COL6A6: variants seen among roughly 807,000 people sequenced by gnomAD.
COL6A6 encodes the protein collagen type VI alpha 6 chain, also known as collagen alpha-6(VI) chain.
In COL6A6, 183 loss-of-function variants were observed where a neutral mutation model predicts 208.6. The observed-to-expected ratio is 0.88, with a 90% confidence interval of 0.78 to 0.99. The LOEUF (loss-of-function observed/expected upper bound fraction) is 0.99. Ranked by LOEUF, COL6A6 falls within the 50% of genes least tolerant of loss-of-function variation. The pLI, the probability that COL6A6 is intolerant of heterozygous loss-of-function variation, is 0.00. For synonymous variants in COL6A6, 973 were observed against 1,011.8 expected (o/e 0.96, Z 0.73); for missense variants, 2,816 against 2,815.2 (o/e 1.00, Z -0.01).
intron 36 of COL6A6, among the ~76,000 whole-genome samples, chr3:130,665,608 A>G (rs1405042353): frequency 6.6e-6 from 1 of 152,244 alleles, no homozygotes; most frequent in Non-Finnish European, 1.5e-5. Context: ...AAGTATAAAG[A>G]TAATGAATTA....
chr3:130,592,831 C>T (rs2063753036), intron 15 of COL6A6, 109 bp downstream of exon 15: 2 of 1,105,272 alleles, frequency 1.8e-6, no homozygotes, highest in African/African-American at 1.6e-5. Context: ...CATTGACTTT[C>T]CTTTTTTATT....
At chr3:130,671,786 AAACCAC>A (rs1344966426) in intron 36 of COL6A6, among the ~76,000 whole-genome samples, 4 of 152,236 alleles carry the variant, frequency 2.6e-5, no homozygotes, top group African/African-American at 9.6e-5. Flanking sequence ...GAGCTGAATC[AAACCAC>A]AAGCTACCAA....
chr3:130,584,045 T>G (rs2108017347), intron 10 of COL6A6, among the ~76,000 whole-genome samples: 1 of 152,308 alleles, frequency 6.6e-6, no homozygotes, highest in South Asian at 2.1e-4. Flanking sequence ...TAATTAATTT[T>G]TTAGAATTGA....
Position 130,563,047 on chromosome 3 carries a change from CAT to C in COL6A6, c.65-18_65-17del. The stretch of plus-strand genomic sequence containing the variant: ...AATTTTTTAAAGTTTTTGGTTCGTT[CAT>C]ATGTTTGTGGTTTTGCAGGCCCTGA... On this transcript the variant is annotated intron_variant, in intron 2 of 36. Coordinates refer to ENST00000358511, the MANE Select transcript of COL6A6 (RefSeq NM_001102608.3). The C allele has an allele frequency of 6.4e-7, 1 of 1,566,664 alleles. No homozygotes were observed. The highest frequency in any genetic ancestry group is 1.4e-5 in the African/African-American group (1 of 73,540).
At chr3:130,590,203 C>A (rs1371041154) in intron 12 of COL6A6, among the ~76,000 whole-genome samples, 1 of 138,058 alleles carries the variant, frequency 7.2e-6, no homozygotes, top group Non-Finnish European at 1.5e-5. Flanking sequence ...ATGATTGACA[C>A]CCCCTTGAGT....
intron 36 of COL6A6, among the ~76,000 whole-genome samples, chr3:130,673,040 G>A (rs1190188754): frequency 6.9e-6 from 1 of 144,234 alleles, no homozygotes; most frequent in Non-Finnish European, 1.5e-5. Context: ...TTAGTTGGGT[G>A]TGGTGGTGGG....
At chr3:130,657,818 T>C (rs1290402593) in intron 33 of COL6A6, among the ~76,000 whole-genome samples, 1 of 152,146 alleles carries the variant, frequency 6.6e-6, no homozygotes, top group Non-Finnish European at 1.5e-5. Flanking sequence ...AGAAAGAGGG[T>C]AGTCATTAGC....
chr3:130,583,523 A>G (rs2063469919), intron 10 of COL6A6, among the ~76,000 whole-genome samples: 1 of 152,230 alleles, frequency 6.6e-6, no homozygotes, highest in African/African-American at 2.4e-5. Flanking sequence ...CTTTCTTCCA[A>G]TGCCTACTGA....
At chr3:130,592,470 C>G in intron 13 of COL6A6, 71 bp from the exon 14 acceptor site, 1 of 1,262,954 alleles carries the variant, frequency 7.9e-7, no homozygotes. Context: ...TAACAAAAAA[C>G]TTGTCAAGTT....
chr3:130,609,219 GT>G (rs1422317698), intron 22 of COL6A6, among the ~76,000 whole-genome samples: 1 of 152,204 alleles, frequency 6.6e-6, no homozygotes, highest in African/African-American at 2.4e-5. Flanking sequence ...TTCAGGGTAA[GT>G]AAGATATTCC....
chr3:130,560,038 TA>T (rs1217661610), intron 1 of COL6A6, among the ~76,000 whole-genome samples: 1 of 152,154 alleles, frequency 6.6e-6, no homozygotes, highest in Non-Finnish European at 1.5e-5. Flanking sequence ...TACAGGAAAA[TA>T]AATACTAGGA....
At chr3:130,547,596 G>A (rs1229533974) in intron 1 of COL6A6, among the ~76,000 whole-genome samples, 3 of 152,246 alleles carry the variant, frequency 2.0e-5, no homozygotes, top group Non-Finnish European at 4.4e-5. Flanking sequence ...AGTGAGGGCC[G>A]CCAGCATGTT....
rs368252286 is a variant in COL6A6, at chr3:130,564,947, G to T, written c.662-47G>T. On this transcript the variant is annotated intron_variant, in intron 3 of 36. Coordinates refer to ENST00000358511, the MANE Select transcript of COL6A6 (RefSeq NM_001102608.3). ...ATGCCTTCTAATGCTCACCAAAGATGCTGAACCACCAGCTAAAATTGTGCT... is the reference window on the plus strand; with the variant it reads ...ATGCCTTCTAATGCTCACCAAAGATTCTGAACCACCAGCTAAAATTGTGCT... 12 of 1,586,962 alleles carry T rather than the reference G, an allele frequency of 7.6e-6. No homozygotes were observed. The African/African-American group carries it at 1.5e-4, about 20-fold the overall frequency.
intron 1 of COL6A6, among the ~76,000 whole-genome samples, chr3:130,548,815 T>G (rs2107790078): frequency 6.6e-6 from 1 of 152,310 alleles, no homozygotes; most frequent in South Asian, 2.1e-4. Flanking sequence ...ACACAGATGG[T>G]TTAGTTCATG....
chr3:130,662,795 C>T (rs993076441), intron 35 of COL6A6, among the ~76,000 whole-genome samples: 3 of 152,248 alleles, frequency 2.0e-5, no homozygotes, highest in South Asian at 2.1e-4. Flanking sequence ...ACCATTTTAC[C>T]TGTCAGAATG....
chr3:130,644,784 C>T (rs1180128772), intron 31 of COL6A6, among the ~76,000 whole-genome samples: 1 of 152,152 alleles, frequency 6.6e-6, no homozygotes, highest in African/African-American at 2.4e-5. Context: ...TGTATGTTGT[C>T]CCATTTCTCA....
intron 18 of COL6A6, 62 bp downstream of exon 18, chr3:130,594,405 A>C: frequency 7.7e-7 from 1 of 1,303,468 alleles, no homozygotes; most frequent in East Asian, 2.3e-5. Flanking sequence ...TCTGATAGGG[A>C]GTCTCGATTT....
chr3:130,588,505 G>A (rs1172906909), intron 11 of COL6A6, among the ~76,000 whole-genome samples: 2 of 152,170 alleles, frequency 1.3e-5, no homozygotes, highest in Non-Finnish European at 2.9e-5. Context: ...ATATTCTCCT[G>A]TGCCCCAATC....
rs2063768040 is a variant in COL6A6 at position 130,593,339 on chromosome 3, T to C, written c.4470+87T>C. On this transcript the variant is annotated intron_variant, in intron 17 of 36. Transcript: ENST00000358511. ...AGTAGAATACTCAGTCAGCTATTGC[T>C]ACAAAACTGTTTTGTGACAGTCATA... The C allele has an allele frequency of 7.8e-6, 8 of 1,026,792 alleles. No individual in the cohort carries two copies. In the East Asian group the frequency reaches 1.9e-4, roughly 25 times the overall value. The allele number at this position is 1,026,792 out of a possible 1,614,324, so 63.6% of individuals were successfully genotyped here.
Sources: allele counts gnomAD v4.1 joint callset (sites outside exome capture counted in the v4.1 genomes callset), GRCh38; gene constraint gnomAD v4.1.1; transcripts MANE v1.5; gene names NCBI Gene and HGNC (gene_info 2026-07-23, HGNC 2026-07-21).